TAFA2: variants seen among roughly 807,000 people sequenced by gnomAD.
TAFA2 encodes the protein TAFA chemokine like family member 2.
Under a neutral mutation model 18.8 loss-of-function variants are expected in TAFA2, and 7 were observed. The ratio of observed to expected loss-of-function variants is 0.37; its 90% CI spans 0.21 to 0.70. The LOEUF is 0.70. Ranked by LOEUF, TAFA2 falls within the 30% of genes least tolerant of loss-of-function variation. The pLI is 0.53. For missense variants in TAFA2, 122 were observed against 158.1 expected (o/e 0.77, Z 1.23); for synonymous variants, 60 against 54.2 (o/e 1.11, Z -0.47).
At chr12:62,213,597 C>G (rs2062722546) in intron 1 of TAFA2, among the ~76,000 whole-genome samples, 1 of 150,254 alleles carries the variant, frequency 6.7e-6, no homozygotes, top group Admixed American at 6.6e-5. Context: ...GAGCCGAGAT[C>G]GTGCCACTGC....
Position 62,243,072 on chromosome 12 carries a change from C to T in TAFA2, c.-130+15691G>A, listed in dbSNP as rs11174393. 5.9e-5 allele frequency among the ~76,000 whole-genome samples: 9 copies of T among 152,112 alleles called. 1 individual carries two copies. The East Asian group carries it at 1.7e-3, about 29-fold the overall frequency. ...TAGCCTAAATTATTAAGATTTTAAG[C>T]CAGTTATTTAGATTTTTTAAATATT... On this transcript the variant is annotated intron_variant, in intron 1 of 5. Transcript: ENST00000551619.
At chr12:62,176,933 ATGTTTGCTTCCTACAAGCTGTGTG>A (rs2136947010) in intron 1 of TAFA2, among the ~76,000 whole-genome samples, 1 of 152,340 alleles carries the variant, frequency 6.6e-6, no homozygotes, top group South Asian at 2.1e-4. Context: ...TTCAAGACTC[ATGTTTGCTTCCTACAAGCTGTGTG>A]GCCTTGGTCA....
chr12:61,929,117 C>A (rs1284982303), intron 1 of TAFA2, among the ~76,000 whole-genome samples: 2 of 151,284 alleles, frequency 1.3e-5, no homozygotes, highest in Non-Finnish European at 2.9e-5. Context: ...TGTAACAAAC[C>A]TGCACGTTCT....
intron 1 of TAFA2, among the ~76,000 whole-genome samples, chr12:62,072,503 G>A (rs868447535): frequency 2.0e-5 from 3 of 151,964 alleles, no homozygotes; most frequent in East Asian, 1.9e-4. Flanking sequence ...ATTCCAGGCC[G>A]GGCATGATGT....
chr12:62,119,796 G>A (rs539300826), intron 1 of TAFA2, among the ~76,000 whole-genome samples: 14 of 152,194 alleles, frequency 9.2e-5, no homozygotes, highest in African/African-American at 9.6e-5. Flanking sequence ...GGGTTTGGCC[G>A]GGCACGGTGG....
chr12:61,768,151 T>TA (rs1445599918), intron 2 of TAFA2, among the ~76,000 whole-genome samples: 2 of 152,028 alleles, frequency 1.3e-5, no homozygotes, highest in Non-Finnish European at 2.9e-5. Context: ...TCTCTACTTT[T>TA]AAAAAACCTA....
At chr12:61,829,567 T>G (rs1872640629) in intron 2 of TAFA2, among the ~76,000 whole-genome samples, 1 of 151,650 alleles carries the variant, frequency 6.6e-6, no homozygotes, top group African/African-American at 2.4e-5. Flanking sequence ...GGTGTTAATT[T>G]CACATCAGAA....
intron 1 of TAFA2, among the ~76,000 whole-genome samples, chr12:61,870,938 C>T (rs1202257015): frequency 6.6e-6 from 1 of 152,152 alleles, no homozygotes; most frequent in Non-Finnish European, 1.5e-5. Flanking sequence ...AACTGTGCCC[C>T]ATACATTTGT....
At chr12:61,831,826 A>G (rs971860310) in intron 2 of TAFA2, among the ~76,000 whole-genome samples, 1 of 151,930 alleles carries the variant, frequency 6.6e-6, no homozygotes, top group Non-Finnish European at 1.5e-5. Context: ...CATTAGGTAT[A>G]TCTCCTAATG....
chr12:61,733,714 C>T (rs1868258870), intron 4 of TAFA2, among the ~76,000 whole-genome samples: 1 of 151,706 alleles, frequency 6.6e-6, no homozygotes, highest in Non-Finnish European at 1.5e-5. Context: ...CATGATGCCT[C>T]CAGCTTTGTT....
At chr12:62,029,917 T>C (rs1881411087) in intron 1 of TAFA2, among the ~76,000 whole-genome samples, 1 of 151,752 alleles carries the variant, frequency 6.6e-6, no homozygotes, top group African/African-American at 2.4e-5. Context: ...GATAGCAACA[T>C]TACCACAGCA....
intron 4 of TAFA2, among the ~76,000 whole-genome samples, chr12:61,738,298 C>CAT (rs1555198039): frequency 1.5e-5 from 2 of 136,192 alleles, no homozygotes; most frequent in African/African-American, 5.3e-5. Context: ...AAAACACACA[C>CAT]ACACACACAC....
chr12:62,247,374 A>C (rs190320252), intron 1 of TAFA2, among the ~76,000 whole-genome samples: 2 of 152,292 alleles, frequency 1.3e-5, no homozygotes, highest in Admixed American at 1.3e-4. Flanking sequence ...CAGTGAGAGC[A>C]CTCTAATTCC....
intron 4 of TAFA2, among the ~76,000 whole-genome samples, chr12:61,711,826 GGGT>G (rs1869423011): frequency 6.6e-6 from 1 of 151,980 alleles, no homozygotes; most frequent in Non-Finnish European, 1.5e-5. Flanking sequence ...CAAGGATGGA[GGGT>G]TGGAAACACA....
At chr12:62,189,900 T>C (rs1265603171) in intron 1 of TAFA2, among the ~76,000 whole-genome samples, 1 of 150,944 alleles carries the variant, frequency 6.6e-6, no homozygotes, top group Non-Finnish European at 1.5e-5. Context: ...ACCAAGTACT[T>C]TGGGGACACT....
At chr12:61,949,168 G>T (rs771384019) in intron 1 of TAFA2, among the ~76,000 whole-genome samples, 2 of 152,164 alleles carry the variant, frequency 1.3e-5, no homozygotes, top group African/African-American at 4.8e-5. Flanking sequence ...CATCCAATCA[G>T]TTGAAGACCT....
chr12:62,206,668 C>T (rs1056925866), intron 1 of TAFA2, among the ~76,000 whole-genome samples: 2 of 152,040 alleles, frequency 1.3e-5, no homozygotes, highest in African/African-American at 2.4e-5. Context: ...TTTGTAGACA[C>T]GAGTTCTCAC....
chr12:61,816,194 G>T (rs1330721455), intron 2 of TAFA2, among the ~76,000 whole-genome samples: 1 of 151,036 alleles, frequency 6.6e-6, no homozygotes, highest in Admixed American at 6.6e-5. Flanking sequence ...CCATCAAGTA[G>T]ACCCCAGTGT....
chr12:61,737,710 A>T (rs1281549462), intron 4 of TAFA2, among the ~76,000 whole-genome samples: 2 of 151,804 alleles, frequency 1.3e-5, no homozygotes, highest in Non-Finnish European at 2.9e-5. Context: ...ACTTTTAAAC[A>T]TTTTCAAAAC....
Sources: gnomAD v4.1 joint callset for allele counts (sites outside exome capture counted in the v4.1 genomes callset) on GRCh38, gnomAD v4.1.1 for gene constraint, MANE v1.5 for transcripts, NCBI Gene and HGNC (gene_info 2026-07-23, HGNC 2026-07-21) for gene names.